TRAPPC9: variants seen among roughly 807,000 people sequenced by gnomAD.
The protein encoded by TRAPPC9 is IKK2 binding protein.
In TRAPPC9, 83 loss-of-function variants were observed where a neutral mutation model predicts 124.0. The ratio of observed to expected loss-of-function variants is 0.67; its 90% CI spans 0.56 to 0.80. The LOEUF is 0.80. Among genes scored for constraint, TRAPPC9 ranks in the 30% least tolerant of loss-of-function variants. The pLI is 0.00. For missense variants in TRAPPC9, 1,302 were observed against 1,508.3 expected (o/e 0.86, Z 2.27); for synonymous variants, 638 against 617.5 (o/e 1.03, Z -0.49).
intron 18 of TRAPPC9, among the ~76,000 whole-genome samples, chr8:139,991,730 G>A (rs1036289047): frequency 5.9e-5 from 9 of 152,106 alleles, no homozygotes; most frequent in Non-Finnish European, 1.2e-4. Context: ...CAAAGTCCTG[G>A]CAGCATGGAG....
chr8:139,965,451 G>T (rs1835639030), intron 19 of TRAPPC9, among the ~76,000 whole-genome samples: 2 of 152,226 alleles, frequency 1.3e-5, no homozygotes, highest in African/African-American at 4.8e-5. Flanking sequence ...GTCCTCCTCA[G>T]GGGAGTCCAT....
chr8:140,064,287 T>A (rs571524432), intron 17 of TRAPPC9, among the ~76,000 whole-genome samples: 1 of 152,360 alleles, frequency 6.6e-6, no homozygotes, highest in Admixed American at 6.5e-5. Context: ...TTTCTGGTTT[T>A]ACAACGTGAC....
intron 9 of TRAPPC9, among the ~76,000 whole-genome samples, chr8:140,325,713 CTCTT>C (rs1477243034): frequency 9.2e-5 from 14 of 152,324 alleles, no homozygotes; most frequent in African/African-American, 3.1e-4. Context: ...CTCATACAAA[CTCTT>C]TCAGAAAACA....
Position 140,405,557 on chromosome 8 carries a change from T to C in TRAPPC9, c.1008+20A>G. 1 of 1,613,714 alleles carries C rather than the reference T, an allele frequency of 6.2e-7. No individual in the cohort carries two copies. The highest frequency in any genetic ancestry group is 8.5e-7 in the Non-Finnish European group (1 of 1,179,798). ...AAACAACACAACTGTGTAAAAAAAA[T>C]CACAAAGCCATAAAATCACCTTGCT... On this transcript the variant is annotated intron_variant, in intron 6 of 22. Transcript: ENST00000438773.
At chr8:139,991,151 A>G (rs1258126458) in intron 18 of TRAPPC9, among the ~76,000 whole-genome samples, 2 of 152,246 alleles carry the variant, frequency 1.3e-5, no homozygotes, top group African/African-American at 2.4e-5. Context: ...AAAATCTTTC[A>G]TCAGAAAAGG....
At chr8:140,026,413 T>C (rs894667264) in intron 17 of TRAPPC9, among the ~76,000 whole-genome samples, 3 of 152,170 alleles carry the variant, frequency 2.0e-5, no homozygotes, top group African/African-American at 7.2e-5. Context: ...GCCACCATAT[T>C]GTTTCGCACA....
intron 17 of TRAPPC9, among the ~76,000 whole-genome samples, chr8:140,066,774 C>T (rs1283357388): frequency 6.6e-6 from 1 of 152,184 alleles, no homozygotes; most frequent in Non-Finnish European, 1.5e-5. Flanking sequence ...AGACAGAGAT[C>T]AAAGATACCT....
chr8:139,852,161 G>T (rs1002037804), intron 21 of TRAPPC9, among the ~76,000 whole-genome samples: 4 of 152,224 alleles, frequency 2.6e-5, no homozygotes, highest in African/African-American at 9.6e-5. Flanking sequence ...GCCTTCCACA[G>T]ATGATGAGAC....
chr8:140,067,431 C>T (rs544008277), intron 17 of TRAPPC9, among the ~76,000 whole-genome samples: 6 of 152,182 alleles, frequency 3.9e-5, no homozygotes, highest in Non-Finnish European at 8.8e-5. Flanking sequence ...GCCTGAGCCA[C>T]CACGCCCCAC....
chr8:140,179,557 G>A (rs2062151842), intron 17 of TRAPPC9, among the ~76,000 whole-genome samples: 1 of 152,018 alleles, frequency 6.6e-6, no homozygotes, highest in Non-Finnish European at 1.5e-5. Flanking sequence ...ATTTGTTGTT[G>A]TTAAGCAATC....
intron 20 of TRAPPC9, among the ~76,000 whole-genome samples, chr8:139,900,549 T>C (rs1041748744): frequency 6.6e-6 from 1 of 152,246 alleles, no homozygotes; most frequent in African/African-American, 2.4e-5. Context: ...ATTTATCACA[T>C]TTAATTATTT....
intron 10 of TRAPPC9, among the ~76,000 whole-genome samples, chr8:140,306,976 C>A (rs186473288): frequency 6.6e-6 from 1 of 152,324 alleles, no homozygotes; most frequent in Admixed American, 6.5e-5. Context: ...ACCCACTTGC[C>A]TCTTCTCCTG....
intron 10 of TRAPPC9, among the ~76,000 whole-genome samples, chr8:140,302,374 A>T (rs1000021268): frequency 4.6e-5 from 7 of 152,220 alleles, no homozygotes; most frequent in South Asian, 4.1e-4. Context: ...TTCATTCTGT[A>T]TCTGTTTCCA....
intron 9 of TRAPPC9, among the ~76,000 whole-genome samples, chr8:140,334,838 C>T (rs970000555): frequency 6.6e-6 from 1 of 151,676 alleles, no homozygotes; most frequent in Non-Finnish European, 1.5e-5. Flanking sequence ...TAAAATGATG[C>T]TGAATTGAGA....
chr8:140,348,696 G>A (rs1398396615), intron 9 of TRAPPC9, among the ~76,000 whole-genome samples: 1 of 152,174 alleles, frequency 6.6e-6, no homozygotes, highest in Non-Finnish European at 1.5e-5. Context: ...TAGGGTGTGG[G>A]GCTTCCTTTG....
chr8:140,264,670 T>C (rs6578088), intron 15 of TRAPPC9, among the ~76,000 whole-genome samples: 1,892 of 151,236 alleles, frequency 0.013, 38 homozygotes, highest in African/African-American at 0.044. Context: ...ACCCAGGAAA[T>C]GTAGACAAAG....
At chr8:139,876,670 G>GAT (rs758325351) in intron 21 of TRAPPC9, among the ~76,000 whole-genome samples, 2 of 152,174 alleles carry the variant, frequency 1.3e-5, no homozygotes, top group South Asian at 2.1e-4. Context: ...TTTATTGAAT[G>GAT]AATGGATGGA....
intron 19 of TRAPPC9, among the ~76,000 whole-genome samples, chr8:139,967,451 C>T (rs1400173247): frequency 6.6e-6 from 1 of 152,244 alleles, no homozygotes; most frequent in Non-Finnish European, 1.5e-5. Context: ...TCGAATGACT[C>T]GATCCAGTTC....
rs547354075 is a variant in TRAPPC9 at position 139,871,611 on chromosome 8, G to A, written c.3055+14268C>T. Among the ~76,000 whole-genome samples the A allele has an allele frequency of 2.6e-5, 4 of 152,300 alleles. No homozygotes were observed. In the East Asian group the frequency reaches 5.8e-4, roughly 22 times the overall value. ...GTCCCATTCCCCCACAGGAATAGAC[G>A]ACTGCAGAAATTACCCTTCCAAAAA... On this transcript the variant is annotated intron_variant, in intron 21 of 22. Coordinates refer to ENST00000438773, the MANE Select transcript of TRAPPC9 (RefSeq NM_001160372.4).
Sources: allele counts gnomAD v4.1 joint callset (sites outside exome capture counted in the v4.1 genomes callset), GRCh38; gene constraint gnomAD v4.1.1; transcripts MANE v1.5; gene names NCBI Gene and HGNC (gene_info 2026-07-23, HGNC 2026-07-21).